CTNNA2: variants seen among roughly 807,000 people sequenced by gnomAD.
CTNNA2 encodes catenin alpha-2.
A neutral mutation model predicts 101.0 loss-of-function variants in CTNNA2; 42 were observed. The observed-to-expected ratio is 0.42, with a 90% confidence interval of 0.32 to 0.54. The LOEUF (loss-of-function observed/expected upper bound fraction) is 0.54, where lower values mean the gene tolerates loss of function less well. Ranked by LOEUF, CTNNA2 falls within the 20% of genes least tolerant of loss-of-function variation. CTNNA2 has a pLI of 0.14. For synonymous variants in CTNNA2, 450 were observed against 456.4 expected (o/e 0.99, Z 0.18); for missense variants, 871 against 1,223.1 (o/e 0.71, Z 4.29).
At chr2:79,370,907 A>G (rs931786531) in intron 3 of CTNNA2, among the ~76,000 whole-genome samples, 1 of 152,138 alleles carries the variant, frequency 6.6e-6, no homozygotes, top group Non-Finnish European at 1.5e-5. Context: ...CCCTAAATAA[A>G]TAAGCACTTC....
intron 13 of CTNNA2, among the ~76,000 whole-genome samples, chr2:80,577,713 AC>A: frequency 8.0e-6 from 1 of 125,142 alleles, no homozygotes; most frequent in East Asian, 2.4e-4. Flanking sequence ...TTTTGTTTTT[AC>A]CTTTGGATCT....
chr2:80,147,299 A>C lies in CTNNA2; in HGVS notation c.1056+237502A>C, dbSNP rs192524720. Among the ~76,000 whole-genome samples, 291 of 152,064 alleles carry C rather than the reference A, an allele frequency of 1.9e-3. 1 individual carries two copies. The highest frequency in any genetic ancestry group is 3.2e-3 in the Non-Finnish European group (215 of 67,968). On this transcript the variant is annotated intron_variant, in intron 7 of 18. Coordinates refer to ENST00000402739, the MANE Select transcript of CTNNA2 (RefSeq NM_001282597.3). ...GTATTTTTCGTACAGTTGGGGTTTC[A>C]CCATGTTAGCCAGGCTGGTTTTGAA...
At chr2:80,155,195 C>T (rs1703938058) in intron 7 of CTNNA2, among the ~76,000 whole-genome samples, 1 of 152,290 alleles carries the variant, frequency 6.6e-6, no homozygotes, top group African/African-American at 2.4e-5. Context: ...ATCTCTTGGA[C>T]CCCTATAATG....
chr2:80,280,740 G>A (rs2149159694), intron 7 of CTNNA2, among the ~76,000 whole-genome samples: 1 of 152,180 alleles, frequency 6.6e-6, no homozygotes, highest in South Asian at 2.1e-4. Context: ...TGAGGAACAT[G>A]ATGAAATCTT....
intron 18 of CTNNA2, among the ~76,000 whole-genome samples, chr2:80,641,977 A>G (rs1673545098): frequency 6.6e-6 from 1 of 152,164 alleles, no homozygotes; most frequent in Admixed American, 6.5e-5. Context: ...GAAGATCAAT[A>G]TAAGCAAAAC....
intron 14 of CTNNA2, among the ~76,000 whole-genome samples, chr2:80,582,520 A>C (rs1186147846): frequency 2.0e-5 from 3 of 152,162 alleles, no homozygotes; most frequent in Admixed American, 6.6e-5. Context: ...TCACCAATGC[A>C]TTTGGTCTAA....
intron 1 of CTNNA2, among the ~76,000 whole-genome samples, chr2:79,620,889 A>G (rs1040726619): frequency 6.6e-6 from 1 of 152,246 alleles, no homozygotes; most frequent in Admixed American, 6.5e-5. Context: ...AGCGTTAAAA[A>G]TTAACCTTTG....
At chr2:80,093,129 A>T (rs925320548) in intron 7 of CTNNA2, among the ~76,000 whole-genome samples, 2 of 151,936 alleles carry the variant, frequency 1.3e-5, no homozygotes, top group African/African-American at 4.8e-5. Context: ...AGCATTAGGT[A>T]TATCTCCTAG....
At chr2:79,862,569 T>C (rs1681703811) in intron 4 of CTNNA2, among the ~76,000 whole-genome samples, 1 of 152,238 alleles carries the variant, frequency 6.6e-6, no homozygotes, top group African/African-American at 2.4e-5. Context: ...TTTTCTGTCA[T>C]AGCTATCACA....
At chr2:79,755,440 A>C (rs1026736676) in intron 3 of CTNNA2, among the ~76,000 whole-genome samples, 3 of 152,192 alleles carry the variant, frequency 2.0e-5, no homozygotes, top group Non-Finnish European at 4.4e-5. Flanking sequence ...GCTGAGCTAG[A>C]GATCTGATGG....
chr2:79,471,823 G>T (rs1289966524), intron 4 of CTNNA2, among the ~76,000 whole-genome samples: 1 of 151,988 alleles, frequency 6.6e-6, no homozygotes, highest in East Asian at 1.9e-4. Flanking sequence ...GGGTGACAGA[G>T]TGAGACTCTG....
At chr2:80,134,583 T>C (rs1025359265) in intron 7 of CTNNA2, among the ~76,000 whole-genome samples, 6 of 152,052 alleles carry the variant, frequency 3.9e-5, no homozygotes, top group African/African-American at 1.4e-4. Context: ...ACAGGGCAAA[T>C]GGAATTAAGG....
chr2:80,351,813 C>T (rs2149299388), intron 7 of CTNNA2, among the ~76,000 whole-genome samples: 1 of 152,142 alleles, frequency 6.6e-6, no homozygotes, highest in East Asian at 1.9e-4. Flanking sequence ...ATCTTTTTTC[C>T]ATGATTCTCA....
chr2:80,548,877 G>A (rs186390943), intron 11 of CTNNA2, among the ~76,000 whole-genome samples: 25 of 152,280 alleles, frequency 1.6e-4, no homozygotes, highest in African/African-American at 4.8e-4. Flanking sequence ...TTTTGAAGTG[G>A]CATTAATGAT....
chr2:79,763,728 G>T (rs1672954027), intron 3 of CTNNA2, among the ~76,000 whole-genome samples: 1 of 152,092 alleles, frequency 6.6e-6, no homozygotes, highest in South Asian at 2.1e-4. Context: ...ACCTGAAAAG[G>T]AACTTGACGG....
intron 2 of CTNNA2, among the ~76,000 whole-genome samples, chr2:79,656,403 A>G (rs1161123544): frequency 6.6e-6 from 1 of 152,126 alleles, no homozygotes; most frequent in African/African-American, 2.4e-5. Context: ...TCATAGCAAT[A>G]TGCAATGATA....
chr2:79,805,127 C>A (rs1676467221), intron 3 of CTNNA2, among the ~76,000 whole-genome samples: 1 of 152,128 alleles, frequency 6.6e-6, no homozygotes, highest in Admixed American at 6.5e-5. Flanking sequence ...AAGGCCTGTT[C>A]TTTTTGACGA....
intron 7 of CTNNA2, among the ~76,000 whole-genome samples, chr2:80,389,379 G>A (rs1004829359): frequency 1.3e-5 from 2 of 151,982 alleles, no homozygotes; most frequent in African/African-American, 2.4e-5. Flanking sequence ...GCTAATAATA[G>A]GGAGCTGATA....
chr2:79,466,777 G>A (rs978961322), intron 4 of CTNNA2, among the ~76,000 whole-genome samples: 7 of 152,194 alleles, frequency 4.6e-5, no homozygotes, highest in African/African-American at 9.6e-5. Flanking sequence ...GGTCTGGAGT[G>A]GACCTCCAGC....
Sources: allele counts gnomAD v4.1 joint callset (sites outside exome capture counted in the v4.1 genomes callset), GRCh38; gene constraint gnomAD v4.1.1; transcripts MANE v1.5; gene names NCBI Gene and HGNC (gene_info 2026-07-23, HGNC 2026-07-21).